SYNPR: variants seen among roughly 807,000 people sequenced by gnomAD.
SYNPR encodes synaptoporin.
In SYNPR, 23 loss-of-function variants were observed where a neutral mutation model predicts 32.9. The ratio of observed to expected loss-of-function variants is 0.70; its 90% CI spans 0.50 to 0.99. SYNPR has a LOEUF of 0.99. SYNPR is among the 50% of genes least tolerant of loss of function. The probability of loss-of-function intolerance (pLI) is 0.00; values close to 1 mark genes in which losing one functional copy is unlikely to be tolerated. For synonymous variants in SYNPR, 146 were observed against 135.9 expected (o/e 1.07, Z -0.52); for missense variants, 318 against 349.3 (o/e 0.91, Z 0.71).
intron 2 of SYNPR, among the ~76,000 whole-genome samples, chr3:63,359,144 G>A (rs2087624404): frequency 6.6e-6 from 1 of 152,118 alleles, no homozygotes; most frequent in Admixed American, 6.6e-5. Context: ...TGGGCTCTGG[G>A]GAGCATGGGA....
At chr3:63,445,745 G>A (rs531341873) in intron 2 of SYNPR, among the ~76,000 whole-genome samples, 1 of 152,156 alleles carries the variant, frequency 6.6e-6, no homozygotes, top group Non-Finnish European at 1.5e-5. Context: ...CACAGTGAGC[G>A]GGATGAGTCT....
rs1702602273 is a variant in SYNPR at position 63,556,734 on chromosome 3, C to T, written c.401C>T (p.Pro134Leu). 3 of 1,610,892 alleles carry T rather than the reference C, an allele frequency of 1.9e-6. No homozygotes were observed. ...QNKYRENNRG[P>L]LIDFIVTVVF... ...AAATACCGGGAAAACAACCGGGGCC[C>T]ACTCATTGTAAGTGGTTTTCTTTTT... The change falls in exon 4 of 6, where the codon CCA (proline) becomes CTA (leucine). Residue 134 changes from proline (P) to leucine (L), a missense_variant. Coordinates refer to ENST00000478300, the MANE Select transcript of SYNPR (RefSeq NM_001130003.2).
intron 3 of SYNPR, among the ~76,000 whole-genome samples, chr3:63,546,116 C>A (rs1043811033): frequency 2.6e-5 from 4 of 152,050 alleles, no homozygotes; most frequent in Non-Finnish European, 5.9e-5. Flanking sequence ...CAGATAACGA[C>A]CTCAATATCT....
chr3:63,253,290 A>T (rs529829612), intron 2 of SYNPR, among the ~76,000 whole-genome samples: 1 of 152,242 alleles, frequency 6.6e-6, no homozygotes, highest in East Asian at 1.9e-4. Flanking sequence ...GTAAAAAAAA[A>T]TACATATATA....
chr3:63,502,924 T>C (rs899329334), intron 3 of SYNPR, among the ~76,000 whole-genome samples: 2 of 152,174 alleles, frequency 1.3e-5, no homozygotes, highest in Non-Finnish European at 2.9e-5. Context: ...TGAATGAAGC[T>C]ACTATAAACA....
chr3:63,348,291 AT>A (rs2087462572), intron 2 of SYNPR, among the ~76,000 whole-genome samples: 1 of 152,002 alleles, frequency 6.6e-6, no homozygotes, highest in South Asian at 2.1e-4. Flanking sequence ...GATGTTGAGC[AT>A]TTTTTCATAT....
intron 2 of SYNPR, among the ~76,000 whole-genome samples, chr3:63,310,471 A>G (rs971980498): frequency 6.6e-6 from 1 of 152,008 alleles, no homozygotes; most frequent in Non-Finnish European, 1.5e-5. Flanking sequence ...GAAATCTCAT[A>G]CTTTTAACCT....
At position 63,556,738 on chromosome 3, in the gene SYNPR, C is replaced by A; in HGVS notation, c.405C>A (p.Leu135=). The change falls in exon 4 of 6, where the codon CTC becomes CTA. Residue 135 remains leucine, a synonymous_variant. Transcript: ENST00000478300. ...NKYRENNRGP[L]IDFIVTVVFS... ...ACCGGGAAAACAACCGGGGCCCACT[C>A]ATTGTAAGTGGTTTTCTTTTTCAAA... The A allele has an allele frequency of 6.2e-7, 1 of 1,606,866 alleles. No individual in the cohort carries two copies. The highest frequency in any genetic ancestry group is 8.5e-7 in the Non-Finnish European group (1 of 1,177,286).
intron 2 of SYNPR, among the ~76,000 whole-genome samples, chr3:63,426,315 G>A (rs1699891842): frequency 6.6e-6 from 1 of 152,106 alleles, no homozygotes; most frequent in Non-Finnish European, 1.5e-5. Flanking sequence ...GAAGCTTAAG[G>A]CTCTGCAGAC....
At chr3:63,592,686 C>T (rs6794705) in intron 4 of SYNPR, among the ~76,000 whole-genome samples, 41,197 of 151,692 alleles carry the variant, frequency 0.27, 5,980 homozygotes, top group South Asian at 0.44. Flanking sequence ...TAAATAAATA[C>T]GACACAAATT....
chr3:63,297,044 G>C (rs758302562), intron 2 of SYNPR, among the ~76,000 whole-genome samples: 2 of 152,176 alleles, frequency 1.3e-5, no homozygotes, highest in Non-Finnish European at 2.9e-5. Flanking sequence ...TAAATAGCTA[G>C]TGGTTACAAT....
At chr3:63,338,486 C>G (rs1315556364) in intron 2 of SYNPR, among the ~76,000 whole-genome samples, 1 of 152,192 alleles carries the variant, frequency 6.6e-6, no homozygotes, top group African/African-American at 2.4e-5. Flanking sequence ...AGTGAGAAAT[C>G]TGACTGCCTT....
At chr3:63,206,533 C>T in the SYNPR span, among the ~76,000 whole-genome samples, 6 of 151,818 alleles carry the variant, frequency 4.0e-5, no homozygotes, top group Non-Finnish European at 8.8e-5. Flanking sequence ...TGCACTCCAG[C>T]CTGGGTGACA....
At chr3:63,578,436 G>A (rs1402597976) in intron 4 of SYNPR, among the ~76,000 whole-genome samples, 1 of 152,122 alleles carries the variant, frequency 6.6e-6, no homozygotes, top group Non-Finnish European at 1.5e-5. Flanking sequence ...AGGAGCATAG[G>A]TCTTCCATGT....
chr3:63,384,877 C>A (rs759256896), intron 2 of SYNPR, among the ~76,000 whole-genome samples: 1 of 152,112 alleles, frequency 6.6e-6, no homozygotes, highest in Non-Finnish European at 1.5e-5. Context: ...GGTGTTGAGG[C>A]TGGATTCAAT....
At chr3:63,308,216 G>A (rs188231106) in intron 2 of SYNPR, among the ~76,000 whole-genome samples, 47 of 152,052 alleles carry the variant, frequency 3.1e-4, no homozygotes, top group African/African-American at 9.9e-4. Context: ...ATTGTGGGTG[G>A]TCTATAAGAT....
intron 3 of SYNPR, chr3:63,545,403 T>C (rs1013043170): frequency 3.3e-5 from 5 of 152,060 alleles, no homozygotes; most frequent in Admixed American, 1.3e-4. Context: ...AAATTCAAAA[T>C]GTCCACTAGC....
chr3:63,568,687 T>A (rs1429800405), intron 4 of SYNPR, among the ~76,000 whole-genome samples: 1 of 152,044 alleles, frequency 6.6e-6, no homozygotes, highest in East Asian at 1.9e-4. Context: ...ATTTAAAGAA[T>A]AAAGCTGGGC....
intron 5 of SYNPR, among the ~76,000 whole-genome samples, chr3:63,609,543 C>T (rs1025793307): frequency 1.3e-5 from 2 of 152,120 alleles, no homozygotes; most frequent in African/African-American, 4.8e-5. Context: ...TTCTTAAGAA[C>T]CCCGCAGGTA....
Sources: gnomAD v4.1 joint callset for allele counts (sites outside exome capture counted in the v4.1 genomes callset) on GRCh38, gnomAD v4.1.1 for gene constraint, MANE v1.5 for transcripts, NCBI Gene and HGNC (gene_info 2026-07-23, HGNC 2026-07-21) for gene names.